UBL3: variants seen among roughly 807,000 people sequenced by gnomAD.
UBL3 encodes the protein ubiquitin-like protein 3.
Under a neutral mutation model 18.4 loss-of-function variants are expected in UBL3, and 6 were observed. The ratio of observed to expected loss-of-function variants is 0.33; its 90% CI spans 0.18 to 0.64. The LOEUF is 0.64. Ranked by LOEUF, UBL3 falls within the 30% of genes least tolerant of loss-of-function variation. The pLI is 0.76. For missense variants in UBL3, 109 were observed against 142.9 expected (o/e 0.76, Z 1.21); for synonymous variants, 49 against 46.6 (o/e 1.05, Z -0.21).
intron 3 of UBL3, among the ~76,000 whole-genome samples, chr13:29,770,055 T>G (rs1264329210): frequency 6.6e-6 from 1 of 152,080 alleles, no homozygotes; most frequent in Non-Finnish European, 1.5e-5. Context: ...AAACTGTCTT[T>G]GATTTTCAGT....
intron 3 of UBL3, among the ~76,000 whole-genome samples, chr13:29,770,938 T>C (rs912394884): frequency 5.3e-5 from 8 of 152,188 alleles, no homozygotes; most frequent in African/African-American, 1.9e-4. Context: ...AGTGTGAGAT[T>C]ACAGCCTGAA....
At chr13:29,805,014 C>G (rs1039028486) in intron 1 of UBL3, among the ~76,000 whole-genome samples, 1 of 152,086 alleles carries the variant, frequency 6.6e-6, no homozygotes, top group Non-Finnish European at 1.5e-5. Context: ...AATTCTGTAT[C>G]TCAGGTAACA....
chr13:29,776,869 CAAAAAAAAAAAAAA>C (rs869080358), intron 2 of UBL3, among the ~76,000 whole-genome samples: 21 of 62,732 alleles, frequency 3.3e-4, no homozygotes, highest in African/African-American at 1.1e-3. Context: ...GACTCCATCT[CAAAAAAAAAAAAAA>C]AAAAAAAAAA....
chr13:29,777,108 G>T, intron 2 of UBL3, 47 bp downstream of exon 2: 1 of 1,263,514 alleles, frequency 7.9e-7, no homozygotes, highest in Non-Finnish European at 1.1e-6. Context: ...ACAAGGTAGG[G>T]CATAAGAATC....
At chr13:29,821,329 C>T (rs888145503) in intron 1 of UBL3, among the ~76,000 whole-genome samples, 8 of 152,152 alleles carry the variant, frequency 5.3e-5, no homozygotes, top group Admixed American at 3.3e-4. Flanking sequence ...AAATACCCTT[C>T]TTGTAATATA....
chr13:29,824,726 G>C (rs376121681), intron 1 of UBL3, among the ~76,000 whole-genome samples: 17 of 152,052 alleles, frequency 1.1e-4, no homozygotes, highest in African/African-American at 2.9e-4. Context: ...TCCCATTTGT[G>C]AATTTTGGCT....
At chr13:29,817,456 G>A (rs184305555) in intron 1 of UBL3, among the ~76,000 whole-genome samples, 8 of 152,218 alleles carry the variant, frequency 5.3e-5, no homozygotes, top group African/African-American at 1.7e-4. Flanking sequence ...GGTAGGGGAG[G>A]GGTACAGGGT....
intron 1 of UBL3, chr13:29,779,110 A>T (rs989459006): frequency 2.7e-6 from 1 of 374,902 alleles, no homozygotes; most frequent in Admixed American, 4.5e-5. Flanking sequence ...TAAGTTCAAG[A>T]AGTAGTCTGC....
intron 1 of UBL3, among the ~76,000 whole-genome samples, chr13:29,795,975 T>C (rs948806296): frequency 6.6e-6 from 1 of 151,940 alleles, no homozygotes; most frequent in African/African-American, 2.4e-5. Flanking sequence ...TAAGTTTTTC[T>C]TTTTAATGGC....
At chr13:29,804,393 A>G (rs1877848387) in intron 1 of UBL3, among the ~76,000 whole-genome samples, 1 of 152,240 alleles carries the variant, frequency 6.6e-6, no homozygotes, top group Admixed American at 6.5e-5. Flanking sequence ...CAAATTAACA[A>G]CCTAACATTA....
chr13:29,835,125 A>AATAT (rs59643985), intron 1 of UBL3, among the ~76,000 whole-genome samples: 4 of 23,412 alleles, frequency 1.7e-4, no homozygotes, highest in South Asian at 1.7e-3. Flanking sequence ...TATATATATA[A>AATAT]ATATATATAT....
chr13:29,796,951 C>G (rs1183565776), intron 1 of UBL3, among the ~76,000 whole-genome samples: 1 of 152,132 alleles, frequency 6.6e-6, no homozygotes, highest in Non-Finnish European at 1.5e-5. Context: ...TAGGAAAAAA[C>G]TTAAAGGCAG....
chr13:29,836,519 C>T (rs140553908), intron 1 of UBL3, among the ~76,000 whole-genome samples: 1,602 of 151,850 alleles, frequency 0.011, 25 homozygotes, highest in Non-Finnish European at 0.015. Context: ...TGAAGGTTTC[C>T]GGAGAACAAC....
chr13:29,820,106 G>A (rs371065433), intron 1 of UBL3, among the ~76,000 whole-genome samples: 3 of 83,354 alleles, frequency 3.6e-5, no homozygotes, highest in Non-Finnish European at 5.7e-5. Context: ...AGTAGTATGC[G>A]AGTGACCCTG....
At chr13:29,767,409 A>G in intron 4 of UBL3, 102 bp from the exon 5 acceptor site, 1 of 1,426,348 alleles carries the variant, frequency 7.0e-7, no homozygotes, top group South Asian at 1.3e-5. Context: ...TGAGTTTTTA[A>G]AAATGTTTGC....
intron 1 of UBL3, among the ~76,000 whole-genome samples, chr13:29,836,930 A>G (rs1421170142): frequency 1.3e-5 from 2 of 152,234 alleles, no homozygotes; most frequent in Non-Finnish European, 2.9e-5. Context: ...GGACTTGCCA[A>G]GGAAGAGGTA....
At chr13:29,839,167 C>T (rs935863724) in intron 1 of UBL3, among the ~76,000 whole-genome samples, 3 of 152,080 alleles carry the variant, frequency 2.0e-5, no homozygotes, top group Admixed American at 2.0e-4. Flanking sequence ...AAGTGTGATA[C>T]AATAGATTGA....
chr13:29,778,748 T>C (rs924180032), intron 1 of UBL3, among the ~76,000 whole-genome samples: 31 of 152,360 alleles, frequency 2.0e-4, no homozygotes, highest in African/African-American at 7.5e-4. Flanking sequence ...ACCAATTTGA[T>C]AATTTATTAT....
At chr13:29,819,191 A>C (rs1878362394) in intron 1 of UBL3, among the ~76,000 whole-genome samples, 1 of 152,250 alleles carries the variant, frequency 6.6e-6, no homozygotes, top group Non-Finnish European at 1.5e-5. Flanking sequence ...GAAATTTTTC[A>C]TGAAAGTTAA....
Sources: gnomAD v4.1 joint callset for allele counts (sites outside exome capture counted in the v4.1 genomes callset) on GRCh38, gnomAD v4.1.1 for gene constraint, MANE v1.5 for transcripts, NCBI Gene and HGNC (gene_info 2026-07-23, HGNC 2026-07-21) for gene names.